The following TCERG1L variants were observed in gnomAD, a reference collection of about 807,000 sequenced individuals.
TCERG1L encodes transcription elongation regulator 1-like protein.
In TCERG1L, 37 loss-of-function variants were observed where a neutral mutation model predicts 56.3. That is an observed-to-expected ratio of 0.66 (90% CI 0.51 to 0.87). The LOEUF is 0.87. TCERG1L is among the 40% of genes least tolerant of loss of function. The pLI is 0.00. For synonymous variants in TCERG1L, 324 were observed against 326.3 expected (o/e 0.99, Z 0.08); for missense variants, 799 against 774.2 (o/e 1.03, Z -0.38).
chr10:131,136,479 C>T (rs902026273), intron 7 of TCERG1L, among the ~76,000 whole-genome samples: 1 of 151,880 alleles, frequency 6.6e-6, no homozygotes, highest in Non-Finnish European at 1.5e-5. Context: ...GAGGGGTGGC[C>T]CCCAGCAGTG....
intron 3 of TCERG1L, among the ~76,000 whole-genome samples, chr10:131,294,918 T>A (rs1387566016): frequency 1.3e-5 from 2 of 152,108 alleles, no homozygotes; most frequent in African/African-American, 4.8e-5. Flanking sequence ...TATACACTTA[T>A]GAAACCACTG....
intron 4 of TCERG1L, among the ~76,000 whole-genome samples, chr10:131,217,232 G>A (rs78436099): frequency 0.013 from 1,925 of 152,052 alleles, 35 homozygotes; most frequent in East Asian, 0.083. Context: ...AGATCTGGTC[G>A]TTTAACAGTG....
chr10:131,121,302 T>C (rs1007306024), intron 8 of TCERG1L, among the ~76,000 whole-genome samples: 1 of 152,138 alleles, frequency 6.6e-6, no homozygotes, highest in African/African-American at 2.4e-5. Context: ...TTTCTGAGCC[T>C]TACAGGTGAG....
rs1187452094 is a variant in TCERG1L at position 131,103,235 on chromosome 10, AAAAAG to A, written c.1485+1025_1485+1029del. On this transcript the variant is annotated intron_variant, in intron 10 of 11. Coordinates refer to ENST00000368642, the MANE Select transcript of TCERG1L (RefSeq NM_174937.4). This position sits in a 1 kb window ranked among gnomAD's most constrained non-coding sequence, Gnocchi z 4.3. ...TGACAAGAATATTCAGGGAGGTAAAAAAAAGGCAATAATTTTTAAGGAAAAATAAA... is the reference window on the plus strand; with the variant it reads ...TGACAAGAATATTCAGGGAGGTAAAAGCAATAATTTTTAAGGAAAAATAAA... 2.0e-5 allele frequency among the ~76,000 whole-genome samples: 3 copies of A among 152,162 alleles called. No individual in the cohort carries two copies. The highest frequency in any genetic ancestry group is 7.2e-5 in the African/African-American group (3 of 41,458).
In TCERG1L at chr10:131,134,414, G is replaced by A; in HGVS notation, c.1224C>T (p.Asn408=). Residue 408 remains asparagine, a synonymous_variant, in exon 8 of 12, where the codon AAC becomes AAT. Coordinates refer to ENST00000368642, the MANE Select transcript of TCERG1L (RefSeq NM_174937.4). ...DNSDGSSSED[N]REDQDVKTKR... ...TGGTTTTCACATCTTGGTCTTCCCT[G>A]TTGTCTTCAGAACTGGACCCATCGC... 3 of 1,595,984 alleles carry A rather than the reference G, an allele frequency of 1.9e-6. No individual in the cohort carries two copies. Among genetic ancestry groups the A allele is most frequent in the Non-Finnish European group, 1.7e-6 (2 of 1,170,630 alleles).
intron 4 of TCERG1L, among the ~76,000 whole-genome samples, chr10:131,221,216 G>A (rs1227782528): frequency 2.0e-5 from 3 of 152,200 alleles, no homozygotes; most frequent in African/African-American, 2.4e-5. Flanking sequence ...GCCAAGAGCC[G>A]CAGCTCCCCT....
At chr10:131,206,815 C>A (rs1312362808) in intron 4 of TCERG1L, among the ~76,000 whole-genome samples, 1 of 152,070 alleles carries the variant, frequency 6.6e-6, no homozygotes, top group Non-Finnish European at 1.5e-5. Context: ...AGGACAAGAT[C>A]ATGAGGAGAG....
intron 8 of TCERG1L, among the ~76,000 whole-genome samples, chr10:131,122,890 T>C (rs76917050): frequency 0.077 from 11,708 of 152,206 alleles, 583 homozygotes; most frequent in African/African-American, 0.11. Context: ...TTAGACTTAA[T>C]TGTAGGACAC....
intron 4 of TCERG1L, among the ~76,000 whole-genome samples, chr10:131,244,947 G>C (rs1248504058): frequency 6.6e-6 from 1 of 152,192 alleles, no homozygotes; most frequent in Non-Finnish European, 1.5e-5. Flanking sequence ...GGACACTGGG[G>C]AACAGGAAGA....
intron 4 of TCERG1L, among the ~76,000 whole-genome samples, chr10:131,214,050 G>A (rs80019362): frequency 2.0e-5 from 3 of 151,786 alleles, no homozygotes; most frequent in Admixed American, 6.6e-5. Flanking sequence ...ACACACACAC[G>A]CACACACACA....
chr10:131,131,747 A>C (rs997759560), intron 8 of TCERG1L, among the ~76,000 whole-genome samples: 2 of 152,234 alleles, frequency 1.3e-5, no homozygotes, highest in African/African-American at 4.8e-5. Context: ...TCATCATCAC[A>C]GCTTATTTGC....
chr10:131,202,209 G>A (rs1338250912), intron 4 of TCERG1L, among the ~76,000 whole-genome samples: 3 of 152,196 alleles, frequency 2.0e-5, no homozygotes, highest in South Asian at 4.1e-4. Flanking sequence ...AACAGCCCAC[G>A]TTAGAAACAG....
chr10:131,291,429 T>C (rs1334037049), intron 3 of TCERG1L, among the ~76,000 whole-genome samples: 4 of 86,662 alleles, frequency 4.6e-5, no homozygotes, highest in Admixed American at 1.2e-4. Context: ...TTTTTTTTTT[T>C]TTTTTTTTTT....
Position 131,229,994 on chromosome 10 carries a change from G to A in TCERG1L, c.856+30265C>T, listed in dbSNP as rs190146776. The stretch of plus-strand genomic sequence containing the variant: ...CCCCTCCGCAGAAGCAGCTCTGAGC[G>A]TTGAAATTGCCTGAAGCAAGGAAGG... On this transcript the variant is annotated intron_variant, in intron 4 of 11. Transcript: ENST00000368642. Among the ~76,000 whole-genome samples, 61 of 151,552 alleles carry A rather than the reference G, an allele frequency of 4.0e-4. 2 individuals carry two copies. Among genetic ancestry groups the A allele is most frequent in the Admixed American group, 3.2e-3 (48 of 15,226 alleles).
chr10:131,180,300 G>A (rs531968372), intron 4 of TCERG1L, among the ~76,000 whole-genome samples: 1 of 152,374 alleles, frequency 6.6e-6, no homozygotes, highest in East Asian at 1.9e-4. Flanking sequence ...GGCAACGCAG[G>A]AGCGAGGCCA....
chr10:131,162,156 A>G (rs1310589755), intron 6 of TCERG1L: 1 of 152,254 alleles, frequency 6.6e-6, no homozygotes, highest in East Asian at 1.9e-4. Context: ...AACTCCCAGT[A>G]GTTAGCATCA....
intron 10 of TCERG1L, among the ~76,000 whole-genome samples, chr10:131,101,464 G>A (rs1845303226): frequency 6.6e-6 from 1 of 152,250 alleles, no homozygotes; most frequent in Non-Finnish European, 1.5e-5. Flanking sequence ...AGGTATCCAT[G>A]GCACAGAGAG....
At position 131,311,100 on chromosome 10, in the gene TCERG1L, G is replaced by A. The variant is rs1288272864; in HGVS notation, c.342+194C>T. 6.6e-6 allele frequency among the ~76,000 whole-genome samples: 1 copy of A among 152,198 alleles called. No individual in the cohort carries two copies. Among genetic ancestry groups the A allele is most frequent in the Non-Finnish European group, 1.5e-5 (1 of 68,028 alleles). ...GGAGGCACCTGCCAAAGCTGCGGAG[G>A]TGGACGACCGGGCGTCCAAGCACGA... On this transcript the variant is annotated intron_variant, in intron 1 of 11. Coordinates refer to ENST00000368642, the MANE Select transcript of TCERG1L (RefSeq NM_174937.4). The surrounding 1 kb of genome is among the most constrained non-coding windows in gnomAD (Gnocchi z 4.0).
intron 4 of TCERG1L, among the ~76,000 whole-genome samples, chr10:131,221,223 C>T (rs529263547): frequency 2.0e-5 from 3 of 152,312 alleles, no homozygotes; most frequent in African/African-American, 7.2e-5. Flanking sequence ...GCCGCAGCTC[C>T]CCTCCCTGCT....
Sources: allele counts gnomAD v4.1 joint callset (sites outside exome capture counted in the v4.1 genomes callset), GRCh38; gene constraint gnomAD v4.1.1; non-coding constraint Gnocchi (gnomAD v3.1); transcripts MANE v1.5; gene names NCBI Gene and HGNC (gene_info 2026-07-23, HGNC 2026-07-21).